The following SOS1 variants were observed in gnomAD, a reference collection of about 807,000 sequenced individuals.
SOS1 encodes SOS Ras/Rac guanine nucleotide exchange factor 1, also known as son of sevenless homolog 1.
In SOS1, 25 loss-of-function variants were observed where a neutral mutation model predicts 157.6. The observed-to-expected ratio is 0.16, with a 90% CI of 0.12 to 0.22. The LOEUF (loss-of-function observed/expected upper bound fraction) is 0.22, where lower values mean the gene tolerates loss of function less well. Among genes scored for constraint, SOS1 ranks in the 10% least tolerant of loss-of-function variants. The pLI is 1.00. For synonymous variants in SOS1, 528 were observed against 534.0 expected, an observed-to-expected ratio of 0.99 and a Z score of 0.16; for missense variants, 1,237 against 1,599.1, an observed-to-expected ratio of 0.77 and a Z score of 3.86.
At chr2:39,081,704 A>T (rs538122522) in intron 1 of SOS1, among the ~76,000 whole-genome samples, 1 of 152,122 alleles carries the variant, frequency 6.6e-6, no homozygotes, top group South Asian at 2.1e-4. Flanking sequence ...GGGCGCCTGT[A>T]ATCCCAGCTA....
In SOS1 at chr2:39,014,793, G is replaced by C; in HGVS notation, c.1912C>G (p.Gln638Glu). The change falls in exon 11 of 23, where the codon CAA becomes GAA. Residue 638 changes from glutamine to glutamate, a missense_variant. Physicochemically the swap from Gln to Glu is conservative, Grantham distance 29. Coordinates refer to ENST00000402219, the MANE Select transcript of SOS1 (RefSeq NM_005633.4). ...TCTATTATAAGACTCAGTAGTTCTT[G>C]AGGTTTGCAAAAGGATCTGTATGTT... is the stretch of plus-strand genomic sequence containing the variant. ...LTTYRSFCKP[Q>E]ELLSLIIERF... The C allele has an allele frequency of 6.3e-7, 1 of 1,596,570 alleles. No homozygotes were observed. The highest frequency in any genetic ancestry group is 8.6e-7 in the Non-Finnish European group (1 of 1,164,768).
intron 1 of SOS1, among the ~76,000 whole-genome samples, chr2:39,101,807 G>A (rs1672976986): frequency 6.6e-6 from 1 of 152,134 alleles, no homozygotes; most frequent in African/African-American, 2.4e-5. Context: ...ACCAGGTGAA[G>A]GTGAGGGAAC....
intron 17 of SOS1, among the ~76,000 whole-genome samples, chr2:39,004,231 C>A (rs186019046): frequency 6.6e-6 from 1 of 151,892 alleles, no homozygotes; most frequent in Non-Finnish European, 1.5e-5. Flanking sequence ...TTGGCTAACA[C>A]GGTGAAACCC....
intron 21 of SOS1, among the ~76,000 whole-genome samples, chr2:38,988,610 C>A (rs1405871979): frequency 1.3e-5 from 2 of 151,980 alleles, no homozygotes; most frequent in East Asian, 3.9e-4. Flanking sequence ...GATCACCTAC[C>A]TTTTTTCTTA....
In SOS1 at chr2:39,116,715, T is replaced by C. The variant is rs564746813; in HGVS notation, c.87+3621A>G. 3.3e-4 allele frequency among the ~76,000 whole-genome samples: 50 copies of C among 152,174 alleles called. No homozygotes were observed. In the South Asian group the frequency reaches 0.01, roughly 31 times the overall value. ...ATCTCTACAAAAAATACAAAAATTA[T>C]CTGGATGTGGCAGTGTGCCTACAGT... is the stretch of plus-strand genomic sequence containing the variant. On this transcript the variant is annotated intron_variant, in intron 1 of 22. Transcript: ENST00000402219.
At chr2:39,002,132 C>A (rs112902078) in intron 17 of SOS1, among the ~76,000 whole-genome samples, 1,535 of 152,198 alleles carry the variant, frequency 0.01, 9 homozygotes, top group Middle Eastern at 0.027. Context: ...GCCTGGCCAG[C>A]CTGGCCAACA....
intron 4 of SOS1, among the ~76,000 whole-genome samples, chr2:39,055,196 T>G (rs1178491678): frequency 6.6e-6 from 1 of 152,204 alleles, no homozygotes; most frequent in Non-Finnish European, 1.5e-5. Flanking sequence ...ATTTAAATGT[T>G]TATAGCTGTC....
intron 5 of SOS1, among the ~76,000 whole-genome samples, chr2:39,052,876 G>A (rs1372863263): frequency 6.6e-6 from 1 of 152,222 alleles, no homozygotes; most frequent in Non-Finnish European, 1.5e-5. Flanking sequence ...AAACTGGCCA[G>A]GCATGGTGGC....
At chr2:39,000,859 G>A (rs529800587) in intron 17 of SOS1, among the ~76,000 whole-genome samples, 1 of 152,334 alleles carries the variant, frequency 6.6e-6, no homozygotes, top group African/African-American at 2.4e-5. Flanking sequence ...CAAAATAGAA[G>A]AGAGACATTT....
intron 1 of SOS1, among the ~76,000 whole-genome samples, chr2:39,093,862 T>C (rs1410489323): frequency 6.6e-6 from 1 of 152,242 alleles, no homozygotes; most frequent in African/African-American, 2.4e-5. Context: ...TTCATTGCTA[T>C]AGTTTCAGAT....
intron 1 of SOS1, 134 bp downstream of exon 1, chr2:39,120,202 G>A: frequency 1.3e-6 from 1 of 752,580 alleles, no homozygotes; most frequent in Non-Finnish European, 1.9e-6. Context: ...GCCTCTCCGT[G>A]TGCGCCGTCC....
chr2:39,056,152 G>A lies in SOS1; in HGVS notation c.510+550C>T, dbSNP rs561889774. On this transcript the variant is annotated intron_variant, in intron 4 of 22. Coordinates refer to ENST00000402219, the MANE Select transcript of SOS1 (RefSeq NM_005633.4). The stretch of plus-strand genomic sequence containing the variant: ...AATTTTAAGAAATTAACTACTAGCT[G>A]GGTGTGGTGGCTCATGCCTGTAATT... Among the ~76,000 whole-genome samples, 16 of 152,256 alleles carry A rather than the reference G, an allele frequency of 1.1e-4. No homozygotes were observed. The South Asian group carries it at 2.1e-3, about 20-fold the overall frequency.
In SOS1 at chr2:39,120,571, T is replaced by A; in HGVS notation, c.-149A>T. Reference sequence around the variant, plus strand: ...GGGCGCCGCGCAGCCGGGCTAGCCCTGGCGAGGGGGCTGGGGGGCGAGGCC... The same window carrying A: ...GGGCGCCGCGCAGCCGGGCTAGCCCAGGCGAGGGGGCTGGGGGGCGAGGCC... On this transcript the variant is annotated 5_prime_UTR_variant, in exon 1 of 23. Coordinates refer to ENST00000402219, the MANE Select transcript of SOS1 (RefSeq NM_005633.4). The A allele has an allele frequency of 1.1e-6, 1 of 932,354 alleles. No individual in the cohort carries two copies. The highest frequency in any genetic ancestry group is 1.3e-6 in the Non-Finnish European group (1 of 771,008). 57.8% of individuals were successfully genotyped at this position (932,354 alleles called of 1,614,324 possible). A position where few individuals can be genotyped will look rare whatever the true frequency, so the allele number is the denominator to read the frequency against.
At chr2:38,991,716 A>T (rs551896764) in intron 20 of SOS1, among the ~76,000 whole-genome samples, 1 of 152,262 alleles carries the variant, frequency 6.6e-6, no homozygotes, top group African/African-American at 2.4e-5. Context: ...TCTTTCTATA[A>T]GCTTCTCCAG....
At chr2:38,994,203 A>G (rs1273749218) in intron 20 of SOS1, among the ~76,000 whole-genome samples, 4 of 152,198 alleles carry the variant, frequency 2.6e-5, no homozygotes, top group Admixed American at 6.5e-5. Context: ...AAATGACAAT[A>G]TTTCTGATAT....
chr2:39,035,145 A>T lies in SOS1; in HGVS notation c.1074+67T>A, dbSNP rs571704502. The stretch of plus-strand genomic sequence containing the variant: ...CAGGGTACTCACACAATAATTTACA[A>T]ATGAAGTAGCAAAAAAAAAAATTCA... On this transcript the variant is annotated intron_variant, in intron 8 of 22. Coordinates refer to ENST00000402219, the MANE Select transcript of SOS1 (RefSeq NM_005633.4). 3 of 1,019,382 alleles carry T rather than the reference A, an allele frequency of 2.9e-6. No individual in the cohort carries two copies. The South Asian group carries it at 4.1e-5, about 14-fold the overall frequency. 63.1% of individuals were successfully genotyped at this position (1,019,382 alleles called of 1,614,324 possible). A position where few individuals can be genotyped will look rare whatever the true frequency, so the allele number is the denominator to read the frequency against.
At chr2:38,999,158 A>C (rs180893858) in intron 17 of SOS1, among the ~76,000 whole-genome samples, 1 of 152,380 alleles carries the variant, frequency 6.6e-6, no homozygotes, top group Non-Finnish European at 1.5e-5. Context: ...TGAGTAGAAT[A>C]AAGTAGAAGA....
chr2:39,023,466 C>T (rs1390608621), intron 9 of SOS1, among the ~76,000 whole-genome samples: 3 of 151,798 alleles, frequency 2.0e-5, no homozygotes, highest in South Asian at 2.1e-4. Context: ...AATGTAACTA[C>T]AAAATGATTA....
chr2:38,997,244 T>C lies in SOS1; in HGVS notation c.2964+9A>G. 1 of 1,595,036 alleles carries C rather than the reference T, an allele frequency of 6.3e-7. No homozygotes were observed. The highest frequency in any genetic ancestry group is 8.6e-7 in the Non-Finnish European group (1 of 1,163,734). ...TCAGAAGTATGAATCTTTAAATAAT[T>C]CAACTTACTTTGATATCTGATTCTA... On this transcript the variant is annotated intron_variant, in intron 18 of 22. Transcript: ENST00000402219.
Sources: gnomAD v4.1 joint callset for allele counts (sites outside exome capture counted in the v4.1 genomes callset) on GRCh38, gnomAD v4.1.1 for gene constraint, MANE v1.5 for transcripts, NCBI Gene and HGNC (gene_info 2026-07-23, HGNC 2026-07-21) for gene names.